Variants in MPPED2 observed in about 807,000 individuals in gnomAD.
MPPED2 encodes the protein metallophosphoesterase domain containing 2.
MPPED2 carries 5 observed loss-of-function variants against 33.0 expected under a neutral mutation model. The ratio of observed to expected loss-of-function variants is 0.15; its 90% CI spans 0.08 to 0.32. MPPED2 has a LOEUF of 0.32. Ranked by LOEUF, MPPED2 falls within the 10% of genes least tolerant of loss-of-function variation. The pLI is 1.00. For synonymous variants in MPPED2, 136 were observed against 141.9 expected, an observed-to-expected ratio of 0.96 and a Z score of 0.29; for missense variants, 275 against 372.1, an observed-to-expected ratio of 0.74 and a Z score of 2.15.
intron 4 of MPPED2, among the ~76,000 whole-genome samples, chr11:30,461,536 CGTA>C (rs912565884): frequency 7.2e-5 from 11 of 152,052 alleles, no homozygotes; most frequent in African/African-American, 2.7e-4. Flanking sequence ...GAAAGCACTC[CGTA>C]GCTGCTGTGA....
At chr11:30,553,874 G>A (rs1235007727) in intron 2 of MPPED2, among the ~76,000 whole-genome samples, 2 of 152,196 alleles carry the variant, frequency 1.3e-5, no homozygotes, top group African/African-American at 4.8e-5. Context: ...TATACTGCAA[G>A]GAGGAGGAAG....
At chr11:30,545,721 C>T (rs915742482) in intron 2 of MPPED2, among the ~76,000 whole-genome samples, 4 of 152,098 alleles carry the variant, frequency 2.6e-5, no homozygotes, top group Admixed American at 6.5e-5. Context: ...CAGGGATAGG[C>T]GGTGGCTCTG....
intron 4 of MPPED2, among the ~76,000 whole-genome samples, chr11:30,435,446 G>A (rs1949280904): frequency 6.6e-6 from 1 of 152,204 alleles, no homozygotes. Flanking sequence ...TGAACCAGTG[G>A]CAGTGACACT....
intron 3 of MPPED2, among the ~76,000 whole-genome samples, chr11:30,517,013 G>A (rs946324334): frequency 3.3e-5 from 5 of 152,054 alleles, no homozygotes; most frequent in Non-Finnish European, 7.4e-5. Context: ...ATGGAATGGC[G>A]ATAAAACAAC....
At chr11:30,471,093 A>G (rs1950927881) in intron 4 of MPPED2, among the ~76,000 whole-genome samples, 1 of 152,168 alleles carries the variant, frequency 6.6e-6, no homozygotes. Context: ...CCAGAAATTT[A>G]ATCTTAACTT....
intron 6 of MPPED2, among the ~76,000 whole-genome samples, chr11:30,391,680 A>G (rs1156260984): frequency 2.0e-5 from 3 of 152,220 alleles, no homozygotes; most frequent in Non-Finnish European, 2.9e-5. Flanking sequence ...TTAAGTCTTA[A>G]CTATTAGTTC....
At chr11:30,486,001 C>T (rs1951727989) in intron 4 of MPPED2, among the ~76,000 whole-genome samples, 1 of 152,188 alleles carries the variant, frequency 6.6e-6, no homozygotes, top group Non-Finnish European at 1.5e-5. Context: ...TGTCCTGCGG[C>T]TCTGCAGATG....
Position 30,463,143 on chromosome 11 carries a change from A to G in MPPED2, c.536+32153T>C, listed in dbSNP as rs1301255533. On this transcript the variant is annotated intron_variant, in intron 4 of 6. Transcript: ENST00000358117. ...CCTTGTCTTTGTACAGATTTATCTCACTACGAAGGTTTTCTCGGCTATCCA... is the reference window on the plus strand; with the variant it reads ...CCTTGTCTTTGTACAGATTTATCTCGCTACGAAGGTTTTCTCGGCTATCCA... 2.6e-5 allele frequency among the ~76,000 whole-genome samples: 4 copies of G among 152,342 alleles called. No homozygotes were observed. The East Asian group carries it at 7.7e-4, about 29-fold the overall frequency.
At chr11:30,518,678 G>A (rs764265350) in intron 3 of MPPED2, among the ~76,000 whole-genome samples, 3 of 152,134 alleles carry the variant, frequency 2.0e-5, no homozygotes, top group African/African-American at 4.8e-5. Context: ...GGGTTCCTAC[G>A]TTAGCTGACT....
At chr11:30,543,236 A>G (rs1955227624) in intron 2 of MPPED2, among the ~76,000 whole-genome samples, 1 of 152,188 alleles carries the variant, frequency 6.6e-6, no homozygotes. Context: ...GCACATATGG[A>G]TTTTGCTTCC....
chr11:30,411,089 C>G lies in MPPED2; in HGVS notation c.*379G>C, dbSNP rs939431131. The G allele has an allele frequency of 1.0e-6, 1 of 988,774 alleles. No homozygotes were observed. Among genetic ancestry groups the G allele is most frequent in the Admixed American group, 6.1e-5 (1 of 16,446 alleles). The allele number at this position is 988,774 out of a possible 1,614,324, so 61.3% of individuals were successfully genotyped here. On this transcript the variant is annotated 3_prime_UTR_variant, in exon 7 of 7. Transcript: ENST00000358117. The stretch of plus-strand genomic sequence containing the variant: ...CAAACAATACTCTTAAACAGTTGTG[C>G]AAATCTGTGTTGGTTTTTAAAACAC...
chr11:30,421,898 C>A (rs772196144), intron 4 of MPPED2, among the ~76,000 whole-genome samples: 1 of 152,184 alleles, frequency 6.6e-6, no homozygotes. Flanking sequence ...GTTCTGGGGG[C>A]TTTCCAGTCC....
chr11:30,576,261 T>A (rs561323528), intron 2 of MPPED2, among the ~76,000 whole-genome samples: 1 of 152,182 alleles, frequency 6.6e-6, no homozygotes, highest in Admixed American at 6.5e-5. Flanking sequence ...AAGCAAATGT[T>A]AAACCCGGTA....
chr11:30,425,211 G>A (rs1249227826), intron 4 of MPPED2, among the ~76,000 whole-genome samples: 1 of 152,098 alleles, frequency 6.6e-6, no homozygotes, highest in Non-Finnish European at 1.5e-5. Context: ...TTAAACCCAG[G>A]CAGCACACGT....
At chr11:30,561,341 T>C (rs567167372) in intron 2 of MPPED2, among the ~76,000 whole-genome samples, 63 of 152,180 alleles carry the variant, frequency 4.1e-4, no homozygotes, top group Non-Finnish European at 7.1e-4. Flanking sequence ...GAGCTTTTAT[T>C]AGATAATTTC....
chr11:30,407,127 T>C (rs1337838784), downstream of MPPED2, among the ~76,000 whole-genome samples: 1 of 152,206 alleles, frequency 6.6e-6, no homozygotes, highest in Non-Finnish European at 1.5e-5. Flanking sequence ...ACTTAAATGA[T>C]GGAGATGAAG....
intron 2 of MPPED2, among the ~76,000 whole-genome samples, chr11:30,577,999 C>T (rs762504798): frequency 6.6e-6 from 1 of 151,902 alleles, no homozygotes; most frequent in Non-Finnish European, 1.5e-5. Flanking sequence ...TAGATAGATA[C>T]AGATAGGTAG....
At chr11:30,409,587 C>G (rs1220335309), downstream of MPPED2, among the ~76,000 whole-genome samples, 2 of 152,210 alleles carry the variant, frequency 1.3e-5, no homozygotes, top group Non-Finnish European at 2.9e-5. Flanking sequence ...GAACACCTTT[C>G]AGAAATTGCG....
At chr11:30,459,052 A>G (rs1950410733) in intron 4 of MPPED2, among the ~76,000 whole-genome samples, 1 of 147,254 alleles carries the variant, frequency 6.8e-6, no homozygotes, top group South Asian at 2.1e-4. Context: ...CAGCCTCCCA[A>G]GTAGCTGGGA....
Sources: allele counts gnomAD v4.1 joint callset (sites outside exome capture counted in the v4.1 genomes callset), GRCh38; gene constraint gnomAD v4.1.1; transcripts MANE v1.5; gene names NCBI Gene and HGNC (gene_info 2026-07-23, HGNC 2026-07-21).